SLC44A1: variants seen among roughly 807,000 people sequenced by gnomAD.
The protein encoded by SLC44A1 is choline transporter-like protein 1.
In SLC44A1, 26 loss-of-function variants were observed where a neutral mutation model predicts 79.3. That is an observed-to-expected ratio of 0.33 (90% CI 0.24 to 0.46). SLC44A1 has a LOEUF of 0.46. Among genes scored for constraint, SLC44A1 ranks in the 20% least tolerant of loss-of-function variants. SLC44A1 has a pLI of 1.00. For synonymous variants in SLC44A1, 263 were observed against 286.2 expected (o/e 0.92, Z 0.82); for missense variants, 688 against 798.1 (o/e 0.86, Z 1.66).
At chr9:105,343,496 C>G (rs188940891) in intron 4 of SLC44A1, among the ~76,000 whole-genome samples, 1 of 152,172 alleles carries the variant, frequency 6.6e-6, no homozygotes, top group East Asian at 1.9e-4. Context: ...TCTTACCAGT[C>G]AGTATGAATA....
downstream of SLC44A1, among the ~76,000 whole-genome samples, chr9:105,401,467 T>G (rs555433719): frequency 9.9e-5 from 15 of 152,284 alleles, 1 homozygote; most frequent in East Asian, 2.3e-3. Context: ...TTTAATAAAT[T>G]GTAATTTAGG....
intron 15 of SLC44A1, among the ~76,000 whole-genome samples, chr9:105,422,703 G>T (rs932348946): frequency 6.6e-6 from 1 of 152,136 alleles, no homozygotes; most frequent in Admixed American, 6.5e-5. Context: ...TTGTAAAATG[G>T]TACCCACTAA....
chr9:105,249,338 G>C (rs1256315168), intron 1 of SLC44A1, among the ~76,000 whole-genome samples: 1 of 152,164 alleles, frequency 6.6e-6, no homozygotes, highest in Non-Finnish European at 1.5e-5. Context: ...TACCCACAGA[G>C]ACTAAAGTTG....
At position 105,244,890 on chromosome 9, in the gene SLC44A1, T is replaced by G. The variant is rs1018350024; in HGVS notation, c.22T>G (p.Ser8Ala). ...CGCCATGGGCTGCTGCAGCTCCGCC[T>G]CCTCCGCCGCGCAGGTGAGGGGCTC... MGCCSSASSAAQSSKREW... is the reference protein window; with the variant it reads MGCCSSAASAAQSSKREW... Residue 8 changes from serine to alanine, a missense_variant, in exon 1 of 16, where the codon TCC becomes GCC. By Grantham distance (99) the Ser-to-Ala change is moderately conservative. Coordinates refer to ENST00000374720, the MANE Select transcript of SLC44A1 (RefSeq NM_080546.5). The G allele has an allele frequency of 2.6e-6, 3 of 1,175,384 alleles. No individual in the cohort carries two copies. The highest frequency in any genetic ancestry group is 1.6e-5 in the African/African-American group (1 of 61,228). The allele number at this position is 1,175,384 out of a possible 1,614,324, so 72.8% of individuals were successfully genotyped here.
rs1588864105 is a variant in SLC44A1 at position 105,392,426 on chromosome 9, T to C, written c.*3370T>C. The C allele has an allele frequency of 1.3e-6, 1 of 790,264 alleles. No homozygotes were observed. The highest frequency in any genetic ancestry group is 2.8e-5 in the African/African-American group (1 of 35,598). 49.0% of individuals were successfully genotyped at this position (790,264 alleles called of 1,614,324 possible). On this transcript the variant is annotated 3_prime_UTR_variant, in exon 16 of 16. Transcript: ENST00000374720. ...CTCTTTTTTTTTTTTTTTTTTTTTT[T>C]TTTTCCGTGAGGGCATTAGGCTGCT...
chr9:105,349,991 A>G (rs768696494), intron 5 of SLC44A1, among the ~76,000 whole-genome samples: 30 of 152,240 alleles, frequency 2.0e-4, no homozygotes, highest in Non-Finnish European at 3.4e-4. Flanking sequence ...GCATCTCACA[A>G]TGTCCTAGGG....
rs563938353 is a variant in SLC44A1 at position 105,303,434 on chromosome 9, G to A, written c.126+4125G>A. On this transcript the variant is annotated intron_variant, in intron 2 of 15. Transcript: ENST00000374720. ...GGAGGAGGCTGGATGGCCCTAACAA[G>A]AGTGCTTACCATGGAAAACAGAAGA... Among the ~76,000 whole-genome samples, 45 of 152,256 alleles carry A rather than the reference G, an allele frequency of 3.0e-4. 1 individual carries two copies. In the South Asian group the frequency reaches 9.3e-3, roughly 32 times the overall value.
At chr9:105,261,775 CTT>C (rs35530318) in intron 1 of SLC44A1, among the ~76,000 whole-genome samples, 3,565 of 111,500 alleles carry the variant, frequency 0.032, 121 homozygotes, top group African/African-American at 0.13. Flanking sequence ...CTCTCTCTCT[CTT>C]TTTTTTTTTT....
At chr9:105,267,553 T>C (rs536224267) in intron 1 of SLC44A1, among the ~76,000 whole-genome samples, 24 of 152,370 alleles carry the variant, frequency 1.6e-4, no homozygotes, top group African/African-American at 5.0e-4. Flanking sequence ...TCAGTATTTC[T>C]ATTGTGTTTT....
chr9:105,333,287 G>A (rs1315501557), intron 3 of SLC44A1, among the ~76,000 whole-genome samples: 1 of 151,944 alleles, frequency 6.6e-6, no homozygotes, highest in East Asian at 1.9e-4. Context: ...ACTGTGATGT[G>A]ATTTCCCCAG....
chr9:105,289,699 T>A lies in SLC44A1; in HGVS notation c.37-9521T>A, dbSNP rs1246724032. ...GACAAAGACAATACCTAATTTTGAT[T>A]TAGAACATAAATTTACCAAATTCTG... On this transcript the variant is annotated intron_variant, in intron 1 of 15. Transcript: ENST00000374720. Among the ~76,000 whole-genome samples, 4 of 152,332 alleles carry A rather than the reference T, an allele frequency of 2.6e-5. No individual in the cohort carries two copies. The East Asian group carries it at 7.7e-4, about 29-fold the overall frequency.
chr9:105,392,703 C>A lies in SLC44A1; in HGVS notation c.*3647C>A. ...AGGCTTCAACTATTTCCACCATGCACTATTACTAGCTACTAACAGCCATTT... is the reference window on the plus strand; with the variant it reads ...AGGCTTCAACTATTTCCACCATGCAATATTACTAGCTACTAACAGCCATTT... On this transcript the variant is annotated 3_prime_UTR_variant, in exon 16 of 16. Coordinates refer to ENST00000374720, the MANE Select transcript of SLC44A1 (RefSeq NM_080546.5). 1.0e-6 allele frequency: 1 copy of A among 985,406 alleles called. No individual in the cohort carries two copies. The highest frequency in any genetic ancestry group is 1.7e-5 in the African/African-American group (1 of 57,346). The allele number at this position is 985,406 out of a possible 1,614,324, so 61.0% of individuals were successfully genotyped here.
At chr9:105,406,793 T>C (rs1829035026) in intron 15 of SLC44A1, among the ~76,000 whole-genome samples, 1 of 152,132 alleles carries the variant, frequency 6.6e-6, no homozygotes, top group Admixed American at 6.5e-5. Context: ...GCCCAGATAT[T>C]TGACTTACTA....
chr9:105,286,388 A>G (rs327975), intron 1 of SLC44A1, among the ~76,000 whole-genome samples: 22,009 of 152,188 alleles, frequency 0.14, 2,160 homozygotes, highest in African/African-American at 0.27. Flanking sequence ...TAAAATGGGA[A>G]TAATAACAAC....
intron 1 of SLC44A1, chr9:105,294,733 T>C (rs1422225823): frequency 1.3e-5 from 2 of 151,992 alleles, no homozygotes; most frequent in Non-Finnish European, 2.9e-5. Flanking sequence ...TTTGGAAAAT[T>C]TGCAGTCATT....
At chr9:105,268,155 A>G (rs1192154757) in intron 1 of SLC44A1, among the ~76,000 whole-genome samples, 1 of 152,124 alleles carries the variant, frequency 6.6e-6, no homozygotes, top group East Asian at 1.9e-4. Flanking sequence ...TGCACAGAAG[A>G]TCTGAATGCT....
intron 3 of SLC44A1, among the ~76,000 whole-genome samples, chr9:105,314,481 C>T (rs1295528467): frequency 1.3e-5 from 2 of 152,142 alleles, no homozygotes; most frequent in Non-Finnish European, 2.9e-5. Flanking sequence ...TTTGTTACTC[C>T]AAGAAGTTTT....
intron 1 of SLC44A1, among the ~76,000 whole-genome samples, chr9:105,268,624 C>T (rs1226882299): frequency 6.6e-6 from 1 of 152,076 alleles, no homozygotes; most frequent in Non-Finnish European, 1.5e-5. Context: ...CCTCAGCCTC[C>T]CGAGCAGCTG....
At chr9:105,379,565 T>TC (rs1828398448) in intron 13 of SLC44A1, among the ~76,000 whole-genome samples, 3 of 152,166 alleles carry the variant, frequency 2.0e-5, no homozygotes, top group Admixed American at 2.0e-4. Flanking sequence ...AATTTTAAAT[T>TC]CAATTTTAAA....
Sources: allele counts gnomAD v4.1 joint callset (sites outside exome capture counted in the v4.1 genomes callset), GRCh38; gene constraint gnomAD v4.1.1; transcripts MANE v1.5; gene names NCBI Gene and HGNC (gene_info 2026-07-23, HGNC 2026-07-21).